FBXO21: variants seen among roughly 807,000 people sequenced by gnomAD.
FBXO21 encodes F-box only protein 21.
Under a neutral mutation model 76.6 loss-of-function variants are expected in FBXO21, and 32 were observed. The observed-to-expected ratio is 0.42, with a 90% CI of 0.32 to 0.56. FBXO21 has a LOEUF of 0.56. Among genes scored for constraint, FBXO21 ranks in the 20% least tolerant of loss-of-function variants. FBXO21 has a pLI of 0.16. For missense variants in FBXO21, 586 were observed against 797.3 expected (o/e 0.73, Z 3.19); for synonymous variants, 328 against 311.5 (o/e 1.05, Z -0.56).
chr12:117,167,712 C>G (rs1956070145), intron 7 of FBXO21, among the ~76,000 whole-genome samples: 1 of 151,178 alleles, frequency 6.6e-6, no homozygotes, highest in Non-Finnish European at 1.5e-5. Flanking sequence ...CTGCACTGCA[C>G]TCCAGCCTGG....
intron 7 of FBXO21, among the ~76,000 whole-genome samples, chr12:117,171,102 G>A (rs1023422505): frequency 3.3e-5 from 5 of 152,004 alleles, no homozygotes; most frequent in African/African-American, 9.7e-5. Context: ...GGTGGCTCAC[G>A]CCTGTAATCC....
At chr12:117,150,543 A>G (rs1955825491) in intron 11 of FBXO21, among the ~76,000 whole-genome samples, 1 of 152,234 alleles carries the variant, frequency 6.6e-6, no homozygotes, top group African/African-American at 2.4e-5. Flanking sequence ...AACGTATTCT[A>G]ACCACTCACC....
Position 117,152,975 on chromosome 12 carries a change from T to A in FBXO21, c.1675+2816A>T, listed in dbSNP as rs547548741. ...ATGAACGGAAGTGGGCTGGAGTATGTCAGGCGTGGGAACCGTGCTGGGGCT... is the reference window on the plus strand; with the variant it reads ...ATGAACGGAAGTGGGCTGGAGTATGACAGGCGTGGGAACCGTGCTGGGGCT... On this transcript the variant is annotated intron_variant, in intron 11 of 11. Transcript: ENST00000622495. Among the ~76,000 whole-genome samples the A allele has an allele frequency of 2.8e-3, 432 of 152,160 alleles. 1 individual carries two copies. The highest frequency in any genetic ancestry group is 4.6e-3 in the Non-Finnish European group (311 of 68,000).
chr12:117,169,235 A>T (rs11068385), intron 7 of FBXO21, among the ~76,000 whole-genome samples: 30,328 of 152,110 alleles, frequency 0.2, 3,426 homozygotes, highest in East Asian at 0.43. Flanking sequence ...GAAAACCAAA[A>T]ACTGCGTGCT....
chr12:117,189,187 C>T, intron 2 of FBXO21, 40 bp downstream of exon 2: 1 of 1,613,804 alleles, frequency 6.2e-7, no homozygotes, highest in Middle Eastern at 1.6e-4. Flanking sequence ...ACACATACAC[C>T]AGCAAGCCAA....
chr12:117,189,445 G>A (rs1466803822), intron 1 of FBXO21, 83 bp from the exon 2 acceptor site: 2 of 1,506,750 alleles, frequency 1.3e-6, no homozygotes, highest in African/African-American at 1.4e-5. Flanking sequence ...TGGAAACAGG[G>A]ACAGCAGTGG....
In FBXO21 at chr12:117,146,265, T is replaced by C. The variant is rs1955769667; in HGVS notation, c.1688A>G (p.Tyr563Cys). The C allele has an allele frequency of 6.2e-7, 1 of 1,603,834 alleles. No homozygotes were observed. The highest frequency in any genetic ancestry group is 8.5e-7 in the Non-Finnish European group (1 of 1,176,834). The part of the protein sequence containing the change: ...CRYAAQENLE[Y>C]NVEPQEISHP... Reference sequence around the variant, plus strand: ...TGAGATTTCTTGAGGCTCCACGTTATATTCCAAGTTTTCTGTTGGTAAAGA... The same window carrying C: ...TGAGATTTCTTGAGGCTCCACGTTACATTCCAAGTTTTCTGTTGGTAAAGA... The change falls in exon 12 of 12, where the codon TAT becomes TGT. Residue 563 changes from tyrosine (Y) to cysteine (C), a missense_variant. Tyr to Cys is a radical substitution (Grantham distance 194, BLOSUM62 -2). Coordinates refer to ENST00000622495, the MANE Select transcript of FBXO21 (RefSeq NM_015002.3).
intron 9 of FBXO21, among the ~76,000 whole-genome samples, chr12:117,159,720 C>T (rs1177753232): frequency 6.6e-6 from 1 of 152,136 alleles, no homozygotes; most frequent in Non-Finnish European, 1.5e-5. Context: ...GAAAGAGTAC[C>T]AACAAGCCGC....
At chr12:117,155,679 G>C in intron 11 of FBXO21, 112 bp downstream of exon 11, 1 of 1,248,918 alleles carries the variant, frequency 8.0e-7, no homozygotes, top group Non-Finnish European at 1.1e-6. Flanking sequence ...TGGGGCGTCG[G>C]CCGCCTCTGA....
rs573104105 is a variant in FBXO21 at position 117,185,361 on chromosome 12, A to G, written c.470+1116T>C. Among the ~76,000 whole-genome samples, 22 of 152,320 alleles carry G rather than the reference A, an allele frequency of 1.4e-4. 1 individual carries two copies. The South Asian group carries it at 1.7e-3, about 11-fold the overall frequency. ...ATTTCTCTCTCCTAAATCCCCTTTAAAAAACAACATAAATATTTCATGCCT... is the reference window on the plus strand; with the variant it reads ...ATTTCTCTCTCCTAAATCCCCTTTAGAAAACAACATAAATATTTCATGCCT... On this transcript the variant is annotated intron_variant, in intron 3 of 11. Transcript: ENST00000622495.
chr12:117,183,345 C>T (rs1316699340), intron 3 of FBXO21, among the ~76,000 whole-genome samples: 2 of 151,786 alleles, frequency 1.3e-5, no homozygotes, highest in African/African-American at 2.4e-5. Flanking sequence ...CTGCCTCCCA[C>T]GCCTCCCAGG....
intron 11 of FBXO21, among the ~76,000 whole-genome samples, chr12:117,147,597 C>CA (rs57318190): frequency 0.12 from 10,484 of 86,992 alleles, 1,023 homozygotes; most frequent in African/African-American, 0.29. Flanking sequence ...GACTCCATCT[C>CA]AAAAAAAAAA....
rs757383907 is a variant in FBXO21 at position 117,189,212 on chromosome 12, T to C, written c.375+15A>G. On this transcript the variant is annotated intron_variant, in intron 2 of 11. Transcript: ENST00000622495. ...CAGCAAGCCAAAGCTTAGAGCCACA[T>C]CAACAGATCCTTACGTGCTCTGAAA... The C allele has an allele frequency of 2.5e-6, 4 of 1,614,138 alleles. No homozygotes were observed. The Admixed American group carries it at 6.7e-5, about 27-fold the overall frequency.
intron 1 of FBXO21, among the ~76,000 whole-genome samples, chr12:117,189,994 G>C (rs1956327951): frequency 6.6e-6 from 1 of 152,110 alleles, no homozygotes; most frequent in African/African-American, 2.4e-5. Context: ...CGGAGGACCC[G>C]GCTGCGAGGC....
At chr12:117,149,264 T>C (rs1013392687) in intron 11 of FBXO21, among the ~76,000 whole-genome samples, 2 of 152,026 alleles carry the variant, frequency 1.3e-5, no homozygotes, top group African/African-American at 4.8e-5. Flanking sequence ...CCTCCCAAAG[T>C]GTTGGGATTA....
intron 3 of FBXO21, among the ~76,000 whole-genome samples, chr12:117,182,522 C>T (rs899127084): frequency 6.8e-6 from 1 of 147,226 alleles, no homozygotes; most frequent in African/African-American, 2.5e-5. Context: ...TGGTGGCTCA[C>T]ACCTGTAATC....
intron 9 of FBXO21, among the ~76,000 whole-genome samples, chr12:117,162,452 C>T (rs981113842): frequency 7.9e-5 from 12 of 152,198 alleles, no homozygotes; most frequent in African/African-American, 2.9e-4. Context: ...TTCATTATTT[C>T]CCATATGGCA....
At chr12:117,172,430 CA>C (rs1356210752) in intron 7 of FBXO21, 40 bp downstream of exon 7, 4 of 1,595,240 alleles carry the variant, frequency 2.5e-6, no homozygotes, top group Admixed American at 1.7e-5. Context: ...ACAGAGGGAC[CA>C]AATCTTCAGG....
chr12:117,166,207 A>G (rs1042743156), intron 8 of FBXO21, among the ~76,000 whole-genome samples: 42 of 152,060 alleles, frequency 2.8e-4, no homozygotes, highest in Non-Finnish European at 6.0e-4. Flanking sequence ...AAAAAAAAAA[A>G]AAGAATTCTG....
Sources: gnomAD v4.1 joint callset for allele counts (sites outside exome capture counted in the v4.1 genomes callset) on GRCh38, gnomAD v4.1.1 for gene constraint, MANE v1.5 for transcripts, NCBI Gene and HGNC (gene_info 2026-07-23, HGNC 2026-07-21) for gene names.